IL3RA: variants seen among roughly 807,000 people sequenced by gnomAD.
IL3RA encodes the protein interleukin-3 receptor subunit alpha.
IL3RA carries 73 observed loss-of-function variants against 52.3 expected under a neutral mutation model. The observed-to-expected ratio is 1.40, with a 90% CI of 1.16 to 1.70. The LOEUF is 1.70. Among genes scored for constraint, IL3RA ranks in the 40% most tolerant of loss-of-function variants. The pLI is 0.00. For synonymous variants in IL3RA, 260 were observed against 194.0 expected (o/e 1.34, Z -2.83); for missense variants, 664 against 504.4 (o/e 1.32, Z -3.03).
intron 8 of IL3RA, among the ~76,000 whole-genome samples, chrX:1,364,679 T>C (rs2087769528): frequency 6.6e-6 from 1 of 151,786 alleles, no homozygotes; most frequent in South Asian, 2.1e-4. Context: ...GGTCTTGCTA[T>C]GTTGCCCAGG....
At chrX:1,342,326 C>A (rs1246286031) in intron 2 of IL3RA, among the ~76,000 whole-genome samples, 6 of 151,628 alleles carry the variant, frequency 4.0e-5, no homozygotes, top group Non-Finnish European at 7.4e-5. Context: ...CCACCATACC[C>A]GGCTAATTTC....
intron 8 of IL3RA, among the ~76,000 whole-genome samples, chrX:1,363,077 C>T (rs1412781642): frequency 2.6e-5 from 4 of 151,180 alleles, no homozygotes; most frequent in Middle Eastern, 7.1e-3. Flanking sequence ...CGCCCGGCCA[C>T]GTCTCCTCTT....
chrX:1,357,922 A>G (rs1196970844), intron 7 of IL3RA, among the ~76,000 whole-genome samples: 10 of 149,156 alleles, frequency 6.7e-5, no homozygotes, highest in Non-Finnish European at 1.3e-4. Context: ...CTAACATGGT[A>G]AAACCCCGTC....
chrX:1,345,520 T>G (rs1301065387), intron 3 of IL3RA, 86 bp downstream of exon 3: 1 of 942,938 alleles, frequency 1.1e-6, no homozygotes, highest in Non-Finnish European at 1.5e-6. Flanking sequence ...GACGGAGTCT[T>G]GCTCTGTCGC....
intron 9 of IL3RA, among the ~76,000 whole-genome samples, chrX:1,368,739 G>A (rs1160587105): frequency 8.8e-5 from 13 of 148,328 alleles, no homozygotes; most frequent in African/African-American, 1.8e-4. Flanking sequence ...TCCAAGCCCA[G>A]GAGAGGGGCC....
At chrX:1,359,570 A>C (rs1295547689) in intron 8 of IL3RA, among the ~76,000 whole-genome samples, 55 of 117,116 alleles carry the variant, frequency 4.7e-4, no homozygotes, top group African/African-American at 6.4e-4. Flanking sequence ...CCCTGTGTCT[A>C]TCTCTCCCTG....
intron 10 of IL3RA, among the ~76,000 whole-genome samples, chrX:1,379,959 C>T (rs1384882712): frequency 4.6e-5 from 7 of 152,146 alleles, no homozygotes; most frequent in African/African-American, 7.2e-5. Context: ...GGGGTTTCTC[C>T]GTGTTGGTCA....
rs1166478723 is a variant in IL3RA, at chrX:1,378,692, C to G, written c.908C>G (p.Ala303Gly). ...CAGGAGGAGGGCGCAAACACACGTG[C>G]CTGGCGGACGTCGCTGCTGATCGCG... The part of the protein sequence containing the change: ...CDQEEGANTR[A>G]WRTSLLIALG... Residue 303 changes from alanine (A) to glycine (G), a missense_variant, in exon 10 of 12, where the codon GCC (alanine) becomes GGC (glycine). Physicochemically the swap from Ala to Gly is moderately conservative, Grantham distance 60. Coordinates refer to ENST00000331035, the MANE Select transcript of IL3RA (RefSeq NM_002183.4). 2 of 1,612,634 alleles carry G rather than the reference C, an allele frequency of 1.2e-6. No homozygotes were observed. Among genetic ancestry groups the G allele is most frequent in the African/African-American group, 1.3e-5 (1 of 74,922 alleles).
chrX:1,380,903 G>C, intron 10 of IL3RA, 120 bp from the exon 11 acceptor site: 5 of 822,422 alleles, frequency 6.1e-6, no homozygotes, highest in Non-Finnish European at 1.0e-5. Context: ...GAGACCCCTC[G>C]AGTAGATGAC....
chrX:1,358,516 A>G (rs2086908427), intron 7 of IL3RA, among the ~76,000 whole-genome samples: 1 of 151,744 alleles, frequency 6.6e-6, no homozygotes, highest in Non-Finnish European at 1.5e-5. Context: ...AAAATTAGCC[A>G]GGCGTGGTGG....
In IL3RA at chrX:1,357,217, G is replaced by A. The variant is rs182112440; in HGVS notation, c.732+881G>A. On this transcript the variant is annotated intron_variant, in intron 7 of 11. Transcript: ENST00000331035. ...GATCCACCCGCCTCGGCCTCCCAAA[G>A]TGCTGGGATTACAGGTGTGAGCCTT... Among the ~76,000 whole-genome samples the A allele has an allele frequency of 4.8e-3, 732 of 152,272 alleles. 2 individuals are homozygous for A. The highest frequency in any genetic ancestry group is 0.017 in the African/African-American group (690 of 41,548).
chrX:1,367,593 CGGGTGCGCGGGGTGAGCG>C (rs2088211837), intron 9 of IL3RA, among the ~76,000 whole-genome samples: 28 of 46,088 alleles, frequency 6.1e-4, no homozygotes, highest in African/African-American at 1.6e-3. Flanking sequence ...CGGGGTGAGC[CGGGTGCGCGGGGTGAGCG>C]GGGTGCGCGG....
intron 6 of IL3RA, among the ~76,000 whole-genome samples, chrX:1,352,869 A>G (rs2086185614): frequency 6.7e-6 from 1 of 150,206 alleles, no homozygotes; most frequent in African/African-American, 2.5e-5. Flanking sequence ...GGGTCCCATC[A>G]TGGGTCATAG....
At chrX:1,361,213 G>T (rs1222581379) in intron 8 of IL3RA, among the ~76,000 whole-genome samples, 2 of 142,116 alleles carry the variant, frequency 1.4e-5, no homozygotes, top group Non-Finnish European at 1.5e-5. Flanking sequence ...CTGTCTCTAT[G>T]TCTCTCCCTT....
In IL3RA at chrX:1,381,277, A is replaced by C. The variant is rs762454825; in HGVS notation, c.1062+173A>C. On this transcript the variant is annotated intron_variant, in intron 11 of 11. Transcript: ENST00000331035. ...GCCGGGTGTGGTGGCGGGCGCCTGT[A>C]ATCCCAGCTACTCGGGAGGCTGAGG... Among the ~76,000 whole-genome samples the C allele has an allele frequency of 4.6e-5, 7 of 152,222 alleles. No homozygotes were observed. The East Asian group carries it at 7.8e-4, about 17-fold the overall frequency.
rs147935693 is a variant in IL3RA, at chrX:1,352,337, C to T, written c.447C>T (p.Tyr149=). ...CTTACCGCAGCAGGCGTCAACAGTA[C>T]GAGTGTCTTCACTACAAAACGGATG... ...YLNVANRRQQ[Y]ECLHYKTDAQ... Residue 149 remains tyrosine, a synonymous_variant, in exon 6 of 12, where the codon TAC becomes TAT. Transcript: ENST00000331035. 2.4e-5 allele frequency: 38 copies of T among 1,613,734 alleles called. No homozygotes were observed. In the South Asian group the frequency reaches 3.6e-4, roughly 15 times the overall value.
intron 9 of IL3RA, among the ~76,000 whole-genome samples, chrX:1,377,389 C>T (rs748002328): frequency 5.9e-5 from 9 of 152,044 alleles, no homozygotes; most frequent in African/African-American, 2.2e-4. Flanking sequence ...GACAGGCGCC[C>T]GCCACCACAC....
At chrX:1,380,826 T>C (rs1199378010) in intron 10 of IL3RA, among the ~76,000 whole-genome samples, 197 bp from the exon 11 acceptor site, 1 of 151,526 alleles carries the variant, frequency 6.6e-6, no homozygotes, top group Non-Finnish European at 1.5e-5. Flanking sequence ...ACTCCTTTAA[T>C]TAGACACCAG....
chrX:1,353,947 CCCCCCCCATCATGGGTCGTGGGACCCCCA>C lies in IL3RA; in HGVS notation c.616+1447_616+1475del, dbSNP rs1442183858. Among the ~76,000 whole-genome samples, 11 of 104,340 alleles carry C rather than the reference CCCCCCCCATCATGGGTCGTGGGACCCCCA, an allele frequency of 1.1e-4. 2 individuals carry two copies. The highest frequency in any genetic ancestry group is 1.7e-4 in the Non-Finnish European group (9 of 52,076). The allele number at this position is 104,340 out of a possible 152,430, so 68.5% of individuals were successfully genotyped here. The stretch of plus-strand genomic sequence containing the variant: ...GGTTCCATCATGGGTCATGGGACCC[CCCCCCCCATCATGGGTCGTGGGACCCCCA>C]CCCCCATCATGGGTCATGGGAGCCC... On this transcript the variant is annotated intron_variant, in intron 6 of 11. Transcript: ENST00000331035.
Sources: gnomAD v4.1 joint callset for allele counts (sites outside exome capture counted in the v4.1 genomes callset) on GRCh38, gnomAD v4.1.1 for gene constraint, MANE v1.5 for transcripts, NCBI Gene and HGNC (gene_info 2026-07-23, HGNC 2026-07-21) for gene names.